Variants in MS4A13 observed in about 807,000 individuals in gnomAD.
MS4A13 encodes membrane-spanning 4-domains subfamily A member 13.
In MS4A13, 21 loss-of-function variants were observed where a neutral mutation model predicts 18.4. The ratio of observed to expected loss-of-function variants is 1.14; its 90% CI spans 0.81 to 1.64. The LOEUF is 1.64. Among genes scored for constraint, MS4A13 ranks in the 40% most tolerant of loss-of-function variants. The pLI is 0.00. For missense variants in MS4A13, 173 were observed against 176.8 expected (o/e 0.98, Z 0.12); for synonymous variants, 62 against 57.2 (o/e 1.08, Z -0.38).
chr11:60,528,513 A>T (rs4938953), intron 5 of MS4A13, among the ~76,000 whole-genome samples: 25,031 of 152,188 alleles, frequency 0.16, 2,304 homozygotes, highest in East Asian at 0.27. Flanking sequence ...AGAAATCAGG[A>T]AGTTATGTGT....
chr11:60,537,889 A>ATTCC lies in MS4A13; in HGVS notation c.403-4630_403-4629insTTCC, dbSNP rs1440190841. Among the ~76,000 whole-genome samples the ATTCC allele has an allele frequency of 2.4e-5, 3 of 126,756 alleles. No individual in the cohort carries two copies. In the East Asian group the frequency reaches 7.9e-4, roughly 33 times the overall value. 83.2% of individuals were successfully genotyped at this position (126,756 alleles called of 152,430 possible). ...CATGTCCTTTGTAGGGACATGGATG[A>ATTCC]AATTGGAAACTATCATTCTCAGTAA... On this transcript the variant is annotated intron_variant, in intron 6 of 6. Transcript: ENST00000378186.
chr11:60,539,435 G>A (rs1037558786), intron 6 of MS4A13, among the ~76,000 whole-genome samples: 5 of 151,852 alleles, frequency 3.3e-5, no homozygotes, highest in East Asian at 1.9e-4. Flanking sequence ...TGCCCAGTCC[G>A]AAGAACAGGA....
chr11:60,532,219 G>A (rs1360865155), intron 6 of MS4A13, among the ~76,000 whole-genome samples: 4 of 152,206 alleles, frequency 2.6e-5, no homozygotes, highest in Non-Finnish European at 4.4e-5. Flanking sequence ...CAGCATGAGC[G>A]ACGCAGAAGA....
chr11:60,527,396 C>CTGTGTGTGTGTG (rs1157163515), intron 5 of MS4A13, among the ~76,000 whole-genome samples: 7 of 105,806 alleles, frequency 6.6e-5, no homozygotes, highest in African/African-American at 3.2e-4. Flanking sequence ...CTCTCTCTCT[C>CTGTGTGTGTGTG]TCTCTCTCTC....
chr11:60,532,006 C>G (rs1300878668), intron 6 of MS4A13, among the ~76,000 whole-genome samples: 2 of 152,168 alleles, frequency 1.3e-5, no homozygotes, highest in Non-Finnish European at 2.9e-5. Flanking sequence ...CATATATTAT[C>G]TAAAATGTCC....
At chr11:60,516,348 C>G (rs893103198) in intron 2 of MS4A13, among the ~76,000 whole-genome samples, 3 of 152,138 alleles carry the variant, frequency 2.0e-5, no homozygotes. Context: ...GAGAGTACTG[C>G]ACTTACATTT....
intron 4 of MS4A13, among the ~76,000 whole-genome samples, chr11:60,524,325 G>A (rs939208986): frequency 6.6e-6 from 1 of 152,142 alleles, no homozygotes; most frequent in Non-Finnish European, 1.5e-5. Flanking sequence ...GAACAAGATT[G>A]TGTCCTGTAA....
At chr11:60,522,064 C>T (rs1393116145) in intron 3 of MS4A13, among the ~76,000 whole-genome samples, 6 of 152,012 alleles carry the variant, frequency 3.9e-5, no homozygotes, top group Non-Finnish European at 7.3e-5. Context: ...ATCACAAGAA[C>T]AGCATGGGAA....
Position 60,529,406 on chromosome 11 carries a change from C to A in MS4A13, c.348C>A (p.Tyr116Ter). 1 of 1,607,712 alleles carries A rather than the reference C, an allele frequency of 6.2e-7. No individual in the cohort carries two copies. Among genetic ancestry groups the A allele is most frequent in the South Asian group, 1.1e-5 (1 of 90,050 alleles). Residue 116 changes from tyrosine (Y) to a stop codon, truncating the protein, a stop_gained, in exon 6 of 7, where the codon TAC becomes TAA. Transcript: ENST00000378186. LOFTEE classifies it high-confidence loss of function. ...TATCACGTATTTTACTGTTCTTCTA[C>A]GGTTTGGAATTTTCTATTGCACTTA... Reference protein sequence around the residue: ...REVSRILLFFYGLEFSIALTH... With the variant: ...REVSRILLFF
downstream of MS4A13, chr11:60,542,784 T>C (rs2086871971): frequency 4.9e-6 from 2 of 407,038 alleles, no homozygotes. Flanking sequence ...TATGAGATTA[T>C]TACAGGATGA....
At chr11:60,542,149 T>C (rs1046970021) in intron 6 of MS4A13, among the ~76,000 whole-genome samples, 7 of 62,132 alleles carry the variant, frequency 1.1e-4, no homozygotes, top group African/African-American at 4.7e-4. Flanking sequence ...AAGGAAGGAA[T>C]GTAGGAAGGA....
At chr11:60,531,317 C>T (rs2086765033) in intron 6 of MS4A13, among the ~76,000 whole-genome samples, 1 of 152,178 alleles carries the variant, frequency 6.6e-6, no homozygotes, top group South Asian at 2.1e-4. Context: ...CAACCAGAAA[C>T]TCAACAGAGA....
intron 5 of MS4A13, 110 bp from the exon 6 acceptor site, chr11:60,529,255 C>CTTTTTTTTTTTTTTTTTTTTTTTCTT (rs10667098): frequency 5.9e-6 from 1 of 170,872 alleles, no homozygotes; most frequent in Admixed American, 8.6e-5. Flanking sequence ...ATTTTCCTTC[C>CTTTTTTTTTTTTTTTTTTTTTTTCTT]TTTTTTTTTT....
In MS4A13 at chr11:60,540,028, T is replaced by C. The variant is rs1455382578; in HGVS notation, c.403-2491T>C. On this transcript the variant is annotated intron_variant, in intron 6 of 6. Transcript: ENST00000378186. ...AAAAAAGTGCCAGTAAAAGTAATTA[T>C]GTAGGTGGTTATGAAAATCAGTATA... 2.6e-5 allele frequency among the ~76,000 whole-genome samples: 4 copies of C among 152,350 alleles called. No individual in the cohort carries two copies. The South Asian group carries it at 6.2e-4, about 24-fold the overall frequency.
intron 6 of MS4A13, among the ~76,000 whole-genome samples, chr11:60,531,903 G>A (rs1290563230): frequency 6.6e-6 from 1 of 152,190 alleles, no homozygotes; most frequent in African/African-American, 2.4e-5. Flanking sequence ...AAGGTACTGG[G>A]AGTTAGGACT....
intron 5 of MS4A13, among the ~76,000 whole-genome samples, chr11:60,526,473 G>A (rs1231740565): frequency 1.3e-5 from 2 of 152,176 alleles, no homozygotes; most frequent in African/African-American, 2.4e-5. Context: ...CAGTCAGTGT[G>A]ACAAACTATT....
chr11:60,518,948 T>C (rs1482638684), intron 3 of MS4A13, among the ~76,000 whole-genome samples: 1 of 152,176 alleles, frequency 6.6e-6, no homozygotes, highest in African/African-American at 2.4e-5. Context: ...GAAACTTGGC[T>C]CAAGAGAGGG....
chr11:60,541,404 T>C lies in MS4A13; in HGVS notation c.403-1115T>C, dbSNP rs184180896. Among the ~76,000 whole-genome samples the C allele has an allele frequency of 3.2e-4, 49 of 152,302 alleles. No homozygotes were observed. In the East Asian group the frequency reaches 7.1e-3, roughly 22 times the overall value. ...TGAGTGATGAATAAGTTGAGGTGTA[T>C]TACTTCATTCAAATTTGACATGGTG... is the stretch of plus-strand genomic sequence containing the variant. On this transcript the variant is annotated intron_variant, in intron 6 of 6. Coordinates refer to ENST00000378186, the MANE Select transcript of MS4A13 (RefSeq NM_001012417.3).
At chr11:60,541,154 T>C (rs2086854878) in intron 6 of MS4A13, among the ~76,000 whole-genome samples, 1 of 152,176 alleles carries the variant, frequency 6.6e-6, no homozygotes, top group Non-Finnish European at 1.5e-5. Context: ...AAAAGAAATA[T>C]CTCTCAAACT....
Sources: allele counts gnomAD v4.1 joint callset (sites outside exome capture counted in the v4.1 genomes callset), GRCh38; gene constraint gnomAD v4.1.1; transcripts MANE v1.5; gene names NCBI Gene and HGNC (gene_info 2026-07-23, HGNC 2026-07-21).